PAPPA2: variants seen among roughly 807,000 people sequenced by gnomAD.
PAPPA2 encodes pappalysin 2.
Under a neutral mutation model 176.4 loss-of-function variants are expected in PAPPA2, and 86 were observed. That is an observed-to-expected ratio of 0.49 (90% CI 0.41 to 0.58). PAPPA2 has a LOEUF of 0.58. Ranked by LOEUF, PAPPA2 falls within the 20% of genes least tolerant of loss-of-function variation. PAPPA2 has a pLI of 0.00. For synonymous variants in PAPPA2, 809 were observed against 852.2 expected, an observed-to-expected ratio of 0.95 and a Z score of 0.88; for missense variants, 2,073 against 2,256.9, an observed-to-expected ratio of 0.92 and a Z score of 1.65.
intron 8 of PAPPA2, among the ~76,000 whole-genome samples, chr1:176,702,186 C>A (rs1439905014): frequency 6.6e-6 from 1 of 152,332 alleles, no homozygotes; most frequent in African/African-American, 2.4e-5. Context: ...ATCGCAGACC[C>A]AAGAAGGGGG....
At chr1:176,668,006 T>C (rs1379885988) in intron 3 of PAPPA2, among the ~76,000 whole-genome samples, 1 of 152,110 alleles carries the variant, frequency 6.6e-6, no homozygotes, top group Admixed American at 6.5e-5. Flanking sequence ...GAGAATGCAC[T>C]AAGGCTGGGA....
chr1:176,514,986 C>T (rs1241391255), intron 1 of PAPPA2, among the ~76,000 whole-genome samples: 2 of 152,170 alleles, frequency 1.3e-5, no homozygotes, highest in Non-Finnish European at 2.9e-5. Flanking sequence ...ACAGTGAATA[C>T]GTTGGCCTCT....
intron 3 of PAPPA2, among the ~76,000 whole-genome samples, chr1:176,642,273 A>G (rs1657142363): frequency 6.6e-6 from 1 of 151,988 alleles, no homozygotes. Flanking sequence ...CAATAATTGC[A>G]AAGGATACTT....
intron 3 of PAPPA2, among the ~76,000 whole-genome samples, chr1:176,599,839 T>G (rs1654210738): frequency 6.6e-6 from 1 of 152,020 alleles, no homozygotes; most frequent in East Asian, 1.9e-4. Flanking sequence ...CCTATGACGA[T>G]CTAAGAAAGA....
chr1:176,810,809 T>C lies in PAPPA2; in HGVS notation c.5202+10677T>C, dbSNP rs556169433. On this transcript the variant is annotated intron_variant, in intron 21 of 22. Coordinates refer to ENST00000367662, the MANE Select transcript of PAPPA2 (RefSeq NM_020318.3). Reference sequence around the variant, plus strand: ...TACCAGGCCTTTCAGAGGACTCTGATGTACTTGCAGGTGCAGGATTCGCTG... The same window carrying C: ...TACCAGGCCTTTCAGAGGACTCTGACGTACTTGCAGGTGCAGGATTCGCTG... Among the ~76,000 whole-genome samples the C allele has an allele frequency of 3.3e-5, 5 of 152,330 alleles. No homozygotes were observed. In the East Asian group the frequency reaches 9.6e-4, roughly 29 times the overall value.
chr1:176,650,913 C>G (rs1313645180), intron 3 of PAPPA2, among the ~76,000 whole-genome samples: 1 of 151,502 alleles, frequency 6.6e-6, no homozygotes, highest in Admixed American at 6.6e-5. Flanking sequence ...AAGAAAACAT[C>G]TTATAGATAT....
At chr1:176,782,232 A>G (rs1664751449) in intron 17 of PAPPA2, among the ~76,000 whole-genome samples, 1 of 152,238 alleles carries the variant, frequency 6.6e-6, no homozygotes, top group South Asian at 2.1e-4. Flanking sequence ...CATCTATAAA[A>G]TAAACATTTA....
intron 20 of PAPPA2, among the ~76,000 whole-genome samples, chr1:176,797,079 T>G (rs1477101731): frequency 2.0e-5 from 3 of 152,248 alleles, no homozygotes; most frequent in Non-Finnish European, 4.4e-5. Flanking sequence ...ATGCAAGAAG[T>G]TGCTTGCTAA....
chr1:176,712,050 TG>T, intron 12 of PAPPA2, 69 bp downstream of exon 12: 1 of 1,530,754 alleles, frequency 6.5e-7, no homozygotes, highest in Non-Finnish European at 8.9e-7. Context: ...TGTGTGTGTG[TG>T]TGTGTGTAAA....
At position 176,732,834 on chromosome 1, in the gene PAPPA2, A is replaced by G. The variant is rs537671887; in HGVS notation, c.3799-6792A>G. Among the ~76,000 whole-genome samples the G allele has an allele frequency of 2.3e-3, 356 of 152,290 alleles. 2 individuals carry two copies. The highest frequency in any genetic ancestry group is 3.9e-3 in the Non-Finnish European group (267 of 68,018). On this transcript the variant is annotated intron_variant, in intron 12 of 22. Transcript: ENST00000367662. Reference sequence around the variant, plus strand: ...TCTCCAATTCATTAAGTGAAAATTCAGTTAAGTACAGCAGAGATACCCAAC... The same window carrying G: ...TCTCCAATTCATTAAGTGAAAATTCGGTTAAGTACAGCAGAGATACCCAAC...
At chr1:176,527,881 G>A (rs1320492483) in intron 1 of PAPPA2, among the ~76,000 whole-genome samples, 4 of 152,220 alleles carry the variant, frequency 2.6e-5, no homozygotes, top group South Asian at 2.1e-4. Flanking sequence ...ACCTCTGTGC[G>A]GGAACAGAGC....
At chr1:176,567,985 C>T (rs576519052) in intron 2 of PAPPA2, among the ~76,000 whole-genome samples, 1 of 152,332 alleles carries the variant, frequency 6.6e-6, no homozygotes, top group African/African-American at 2.4e-5. Context: ...AGCAGTTTCA[C>T]ACCTCAGTTG....
At chr1:176,674,133 C>T (rs1042425985) in intron 4 of PAPPA2, among the ~76,000 whole-genome samples, 1 of 152,042 alleles carries the variant, frequency 6.6e-6, no homozygotes, top group African/African-American at 2.4e-5. Flanking sequence ...TTAGGAGTCT[C>T]ATAACAGAAG....
intron 7 of PAPPA2, among the ~76,000 whole-genome samples, chr1:176,697,131 G>T (rs991154410): frequency 2.0e-5 from 3 of 152,184 alleles, no homozygotes; most frequent in Non-Finnish European, 4.4e-5. Flanking sequence ...TTTCTAGGGG[G>T]AAAAATCAGT....
chr1:176,693,196 A>G (rs533096840), intron 6 of PAPPA2, among the ~76,000 whole-genome samples: 1 of 152,276 alleles, frequency 6.6e-6, no homozygotes, highest in East Asian at 1.9e-4. Flanking sequence ...ATTCTGAATG[A>G]CGACAGTCCC....
intron 4 of PAPPA2, among the ~76,000 whole-genome samples, chr1:176,682,927 C>A (rs1441909234): frequency 6.6e-6 from 1 of 152,090 alleles, no homozygotes; most frequent in East Asian, 1.9e-4. Context: ...GTTTTATGGG[C>A]ATATAATATT....
intron 1 of PAPPA2, among the ~76,000 whole-genome samples, chr1:176,490,135 T>C (rs1315499790): frequency 6.6e-6 from 1 of 151,850 alleles, no homozygotes; most frequent in Non-Finnish European, 1.5e-5. Context: ...AAAGTTTCTT[T>C]TAAGTGTCTT....
In PAPPA2 at chr1:176,699,314, G is replaced by C. The variant is rs1268108576; in HGVS notation, c.2961G>C (p.Leu987Phe). 6.2e-7 allele frequency: 1 copy of C among 1,614,168 alleles called. No individual in the cohort carries two copies. Among genetic ancestry groups the C allele is most frequent in the Admixed American group, 1.7e-5 (1 of 60,028 alleles). Residue 987 changes from leucine to phenylalanine, a missense_variant, in exon 8 of 23, where the codon TTG becomes TTC. Leu to Phe is a conservative substitution (Grantham distance 22, BLOSUM62 0). Transcript: ENST00000367662. ...AGGTCCTCTTTGACACAGAGATCTT[G>C]CTGGAAAACAAGGAGTCAGTGCACC... ...SSQVLFDTEILLENKESVHLG... is the reference protein window; with the variant it reads ...SSQVLFDTEIFLENKESVHLG...
rs1233314828 is a variant in PAPPA2, at chr1:176,702,873, T to C, written c.3365+138T>C. The C allele has an allele frequency of 3.3e-6, 4 of 1,210,938 alleles. No homozygotes were observed. In the African/African-American group the frequency reaches 6.1e-5, roughly 19 times the overall value. 75.0% of individuals were successfully genotyped at this position (1,210,938 alleles called of 1,614,324 possible). On this transcript the variant is annotated intron_variant, in intron 9 of 22. Transcript: ENST00000367662. ...AGGAGTTTGACTTGTTTTGGAAATG[T>C]AGGGAGCAAGGCACCATTTGATTCT...
Sources: gnomAD v4.1 joint callset for allele counts (sites outside exome capture counted in the v4.1 genomes callset) on GRCh38, gnomAD v4.1.1 for gene constraint, MANE v1.5 for transcripts, NCBI Gene and HGNC (gene_info 2026-07-23, HGNC 2026-07-21) for gene names.